Variants in SOS1 observed in about 807,000 individuals in gnomAD.
The protein encoded by SOS1 is SOS Ras/Rac guanine nucleotide exchange factor 1.
Under a neutral mutation model 157.6 loss-of-function variants are expected in SOS1, and 25 were observed. The observed-to-expected ratio is 0.16, with a 90% CI of 0.12 to 0.22. The LOEUF is 0.22. SOS1 is among the 10% of genes least tolerant of loss of function. The pLI is 1.00. For synonymous variants in SOS1, 528 were observed against 534.0 expected (o/e 0.99, Z 0.16); for missense variants, 1,237 against 1,599.1 (o/e 0.77, Z 3.86).
At chr2:39,118,338 T>C (rs900277826) in intron 1 of SOS1, among the ~76,000 whole-genome samples, 1 of 152,320 alleles carries the variant, frequency 6.6e-6, no homozygotes, top group Non-Finnish European at 1.5e-5. Flanking sequence ...TATGGAGATA[T>C]CCACATGAAA....
At chr2:39,106,849 T>G (rs1338368918) in intron 1 of SOS1, among the ~76,000 whole-genome samples, 1 of 152,170 alleles carries the variant, frequency 6.6e-6, no homozygotes. Context: ...TACTGCTGGT[T>G]TGCCTCAAGT....
At chr2:39,116,302 T>A (rs1673648313) in intron 1 of SOS1, among the ~76,000 whole-genome samples, 1 of 152,238 alleles carries the variant, frequency 6.6e-6, no homozygotes, top group Non-Finnish European at 1.5e-5. Context: ...GAAACAAGAC[T>A]ATTCCTGTTC....
intron 1 of SOS1, among the ~76,000 whole-genome samples, chr2:39,069,646 C>A (rs1671730718): frequency 6.6e-6 from 1 of 151,974 alleles, no homozygotes; most frequent in African/African-American, 2.4e-5. Flanking sequence ...CTCCTGGGTT[C>A]AAGCAATTCT....
intron 2 of SOS1, among the ~76,000 whole-genome samples, chr2:39,060,570 C>G (rs1393736689): frequency 6.6e-6 from 1 of 152,038 alleles, no homozygotes; most frequent in Non-Finnish European, 1.5e-5. Flanking sequence ...GCATTACAGG[C>G]GTGTGCTACC....
At chr2:39,069,431 A>G (rs1001340777) in intron 1 of SOS1, among the ~76,000 whole-genome samples, 7 of 152,114 alleles carry the variant, frequency 4.6e-5, no homozygotes, top group Admixed American at 3.9e-4. Flanking sequence ...AAAAGTACAT[A>G]TATGTATATA....
At chr2:39,034,926 A>G in intron 8 of SOS1, 1 of 522,664 alleles carries the variant, frequency 1.9e-6, no homozygotes, top group South Asian at 1.6e-5. Context: ...AAGGTACAAG[A>G]CAAAAATATC....
At chr2:39,113,239 G>A (rs1673507754) in intron 1 of SOS1, among the ~76,000 whole-genome samples, 1 of 152,060 alleles carries the variant, frequency 6.6e-6, no homozygotes, top group South Asian at 2.1e-4. Context: ...AACCCAGGCT[G>A]GAGTGCAGTA....
Position 39,076,237 on chromosome 2 carries a change from C to G in SOS1, c.88-8484G>C, listed in dbSNP as rs149397826. 7.9e-5 allele frequency among the ~76,000 whole-genome samples: 12 copies of G among 151,984 alleles called. No homozygotes were observed. The South Asian group carries it at 2.5e-3, about 32-fold the overall frequency. On this transcript the variant is annotated intron_variant, in intron 1 of 22. Coordinates refer to ENST00000402219, the MANE Select transcript of SOS1 (RefSeq NM_005633.4). ...TAACAAGGCAAAAACCGATCACTAC[C>G]CAAAATACAAAAATTAGCCAGGCAT...
intron 1 of SOS1, among the ~76,000 whole-genome samples, chr2:39,076,936 A>G (rs1201401856): frequency 6.6e-6 from 1 of 152,262 alleles, no homozygotes; most frequent in Non-Finnish European, 1.5e-5. Context: ...AATAATCTAT[A>G]AAAGATAGTT....
intron 6 of SOS1, among the ~76,000 whole-genome samples, chr2:39,041,346 T>C (rs1434987529): frequency 6.6e-6 from 1 of 152,248 alleles, no homozygotes; most frequent in Non-Finnish European, 1.5e-5. Context: ...GTTGGCCATT[T>C]ATATATCTTC....
At chr2:39,044,648 A>C (rs572448030) in intron 6 of SOS1, among the ~76,000 whole-genome samples, 2 of 152,182 alleles carry the variant, frequency 1.3e-5, no homozygotes, top group South Asian at 2.1e-4. Flanking sequence ...TTTTCAACCA[A>C]ATGAGGATCA....
chr2:39,040,156 C>T (rs1393608537), intron 6 of SOS1, among the ~76,000 whole-genome samples: 2 of 151,498 alleles, frequency 1.3e-5, no homozygotes, highest in Non-Finnish European at 3.0e-5. Flanking sequence ...GGACTACAAG[C>T]GCCCGCCACT....
At chr2:39,107,427 T>C (rs950494218) in intron 1 of SOS1, among the ~76,000 whole-genome samples, 2 of 152,166 alleles carry the variant, frequency 1.3e-5, no homozygotes, top group Non-Finnish European at 2.9e-5. Context: ...TTCCTTAGTA[T>C]TGCACTACAG....
At chr2:39,053,045 C>T (rs866747324) in intron 5 of SOS1, among the ~76,000 whole-genome samples, 21 of 151,974 alleles carry the variant, frequency 1.4e-4, no homozygotes, top group South Asian at 4.2e-4. Context: ...CCCAGCTACA[C>T]GGGAGGCTGA....
chr2:39,120,351 C>A lies in SOS1; in HGVS notation c.72G>T (p.Val24=). The change falls in exon 1 of 23, where the codon GTG becomes GTT. Residue 24 remains valine (V), a synonymous_variant. Transcript: ENST00000402219. ...ENAPKWRGLL[V]PALKKVQGQV... ...TGCTCCTCACCTTTTTCAGCGCAGG[C>A]ACCAGTAGTCCCCGCCACTTGGGCG... is the stretch of plus-strand genomic sequence containing the variant. The A allele has an allele frequency of 1.9e-6, 3 of 1,591,478 alleles. No individual in the cohort carries two copies. The highest frequency in any genetic ancestry group is 1.7e-5 in the Admixed American group (1 of 58,780).
upstream of SOS1, among the ~76,000 whole-genome samples, chr2:39,121,263 G>C (rs1369859898): frequency 6.6e-6 from 1 of 152,106 alleles, no homozygotes; most frequent in Non-Finnish European, 1.5e-5. Context: ...TGATGACTAG[G>C]GTAAAGAGGC....
chr2:39,039,652 AG>A (rs1189232373), intron 6 of SOS1, among the ~76,000 whole-genome samples: 1 of 152,220 alleles, frequency 6.6e-6, no homozygotes, highest in Non-Finnish European at 1.5e-5. Context: ...TATAGTTTTT[AG>A]AAAAGCTTTA....
At chr2:39,007,285 G>T in intron 15 of SOS1, 92 bp from the exon 16 acceptor site, 1 of 850,080 alleles carries the variant, frequency 1.2e-6, no homozygotes, top group Non-Finnish European at 2.0e-6. Context: ...AATGTAGAGA[G>T]TAGGGGGGTG....
At chr2:39,035,155 CAA>C (rs915335661) in intron 8 of SOS1, 55 bp downstream of exon 8, 32 of 933,614 alleles carry the variant, frequency 3.4e-5, no homozygotes, top group Non-Finnish European at 4.3e-5. Context: ...AATGAAGTAG[CAA>C]AAAAAAAAAT....
Sources: gnomAD v4.1 joint callset for allele counts (sites outside exome capture counted in the v4.1 genomes callset) on GRCh38, gnomAD v4.1.1 for gene constraint, MANE v1.5 for transcripts, NCBI Gene and HGNC (gene_info 2026-07-23, HGNC 2026-07-21) for gene names.